Variants in CEP128 observed in about 807,000 individuals in gnomAD.
CEP128 encodes the protein centrosomal protein 128, also known as centrosomal protein 128kDa.
CEP128 carries 132 observed loss-of-function variants against 156.7 expected under a neutral mutation model. The observed-to-expected ratio is 0.84, with a 90% CI of 0.73 to 0.97. The LOEUF is 0.97. CEP128 is among the 50% of genes least tolerant of loss of function. The pLI is 0.00. For synonymous variants in CEP128, 469 were observed against 448.9 expected, an observed-to-expected ratio of 1.04 and a Z score of -0.57; for missense variants, 1,252 against 1,281.9, an observed-to-expected ratio of 0.98 and a Z score of 0.36.
chr14:80,582,828 A>G (rs1370034381), intron 19 of CEP128, among the ~76,000 whole-genome samples: 1 of 152,118 alleles, frequency 6.6e-6, no homozygotes, highest in Non-Finnish European at 1.5e-5. Flanking sequence ...ACTTAGCTCC[A>G]TTACTTCTGG....
At chr14:80,520,818 C>CTTTA (rs566092628) in intron 23 of CEP128, among the ~76,000 whole-genome samples, 3,293 of 151,360 alleles carry the variant, frequency 0.022, 115 homozygotes, top group African/African-American at 0.075. Context: ...CTTAAAGTGA[C>CTTTA]TTTATTTATT....
At chr14:80,895,661 C>T in intron 8 of CEP128, 57 bp downstream of exon 8, 1 of 1,237,660 alleles carries the variant, frequency 8.1e-7, no homozygotes, top group Non-Finnish European at 1.1e-6. Flanking sequence ...TGATTATGAC[C>T]AGCCTACCCA....
chr14:80,946,372 T>C (rs1213446666), upstream of CEP128, among the ~76,000 whole-genome samples: 1 of 141,124 alleles, frequency 7.1e-6, no homozygotes, highest in Non-Finnish European at 1.6e-5. Flanking sequence ...TCATGATGCA[T>C]CATGATGATG....
intron 4 of CEP128, among the ~76,000 whole-genome samples, chr14:80,907,893 A>T (rs572538615): frequency 6.6e-6 from 1 of 152,340 alleles, no homozygotes; most frequent in South Asian, 2.1e-4. Flanking sequence ...GTAACATGAG[A>T]AACAGACTAG....
rs112711923 is a variant in CEP128, at chr14:80,667,633, C to T, written c.2806+75442G>A. Among the ~76,000 whole-genome samples, 333 of 152,108 alleles carry T rather than the reference C, an allele frequency of 2.2e-3. 2 individuals carry two copies. Among genetic ancestry groups the T allele is most frequent in the African/African-American group, 7.6e-3 (316 of 41,496 alleles). ...CAGCACTTTGGGAGGCCAAGGCAGG[C>T]GGATCACGAGGTCAGGAGATCAAGA... On this transcript the variant is annotated intron_variant, in intron 19 of 24. Coordinates refer to ENST00000555265, the MANE Select transcript of CEP128 (RefSeq NM_152446.5).
downstream of CEP128, among the ~76,000 whole-genome samples, chr14:80,485,663 A>T (rs1010317444): frequency 3.3e-5 from 5 of 152,218 alleles, no homozygotes; most frequent in African/African-American, 1.2e-4. Context: ...TTAGCCAATT[A>T]AATAAGATTT....
At chr14:80,739,091 C>T (rs1595320277) in intron 19 of CEP128, among the ~76,000 whole-genome samples, 2 of 152,234 alleles carry the variant, frequency 1.3e-5, no homozygotes. Flanking sequence ...CCAGTGGCTA[C>T]TTCTCATCCC....
intron 19 of CEP128, among the ~76,000 whole-genome samples, chr14:80,702,449 G>T (rs1216750051): frequency 1.3e-5 from 2 of 152,056 alleles, no homozygotes; most frequent in Admixed American, 1.3e-4. Context: ...ACCCTTCCCA[G>T]TTTCCCAGTT....
chr14:80,703,894 A>G (rs1453164964), intron 19 of CEP128, among the ~76,000 whole-genome samples: 1 of 152,054 alleles, frequency 6.6e-6, no homozygotes, highest in Admixed American at 6.6e-5. Context: ...CATCACAAAG[A>G]TCCCTCATCC....
intron 13 of CEP128, among the ~76,000 whole-genome samples, chr14:80,821,057 T>C (rs1885139850): frequency 6.6e-6 from 1 of 152,216 alleles, no homozygotes; most frequent in Non-Finnish European, 1.5e-5. Flanking sequence ...AAGAATGTTT[T>C]CTCAGTGCAT....
At chr14:80,481,674 G>A (rs1176420366) in intron 14 of CEP128, among the ~76,000 whole-genome samples, 1 of 152,218 alleles carries the variant, frequency 6.6e-6, no homozygotes, top group African/African-American at 2.4e-5. Flanking sequence ...CATGAGAGGT[G>A]AATGGCAGGC....
intron 20 of CEP128, among the ~76,000 whole-genome samples, chr14:80,568,982 C>G (rs1362112861): frequency 2.6e-5 from 4 of 152,198 alleles, no homozygotes; most frequent in East Asian, 1.9e-4. Flanking sequence ...GAGCTTCACT[C>G]TGATTTCTCA....
Position 80,499,746 on chromosome 14 carries a change from G to C in CEP128, c.3182-2164C>G, listed in dbSNP as rs144150894. Among the ~76,000 whole-genome samples the C allele has an allele frequency of 1.8e-3, 275 of 152,318 alleles. 1 individual carries two copies. Among genetic ancestry groups the C allele is most frequent in the African/African-American group, 6.4e-3 (268 of 41,562 alleles). ...AAATCTGGTCTGGTCCCAGTCCTGG[G>C]ATGTGATGGCTGTATCCTGGAGTTG... On this transcript the variant is annotated intron_variant, in intron 24 of 24. Coordinates refer to ENST00000555265, the MANE Select transcript of CEP128 (RefSeq NM_152446.5).
At chr14:80,954,646 G>A (rs1042498093) in intron 2 of CEP128, among the ~76,000 whole-genome samples, 1 of 152,146 alleles carries the variant, frequency 6.6e-6, no homozygotes, top group Non-Finnish European at 1.5e-5. Context: ...GAATTATGCA[G>A]TATAGAAGGA....
At chr14:80,498,943 T>C (rs147456717) in intron 24 of CEP128, among the ~76,000 whole-genome samples, 4 of 152,286 alleles carry the variant, frequency 2.6e-5, no homozygotes, top group African/African-American at 9.6e-5. Flanking sequence ...GAGAGTACCT[T>C]GTCAACTTGC....
At chr14:80,892,715 T>C (rs912273245) in intron 8 of CEP128, among the ~76,000 whole-genome samples, 1 of 147,386 alleles carries the variant, frequency 6.8e-6, no homozygotes, top group Admixed American at 6.8e-5. Context: ...AAACAAATAA[T>C]CCAATTTTTT....
rs141936924 is a variant in CEP128, at chr14:80,775,976, G to A, written c.2376+1906C>T. Among the ~76,000 whole-genome samples the A allele has an allele frequency of 3.7e-4, 57 of 152,250 alleles. No homozygotes were observed. In the East Asian group the frequency reaches 0.011, roughly 29 times the overall value. ...AGCCACCTGAATAGCTGGGATTACA[G>A]GTGCTCGCCACCACACCCGGCTAAT... is the stretch of plus-strand genomic sequence containing the variant. On this transcript the variant is annotated intron_variant, in intron 16 of 24. Transcript: ENST00000555265.
chr14:80,590,029 C>G (rs945753970), intron 19 of CEP128, among the ~76,000 whole-genome samples: 13 of 152,054 alleles, frequency 8.5e-5, no homozygotes, highest in African/African-American at 3.1e-4. Context: ...ACTCAGGAAT[C>G]CGCTTCACAT....
intron 21 of CEP128, among the ~76,000 whole-genome samples, chr14:80,542,084 AGTT>A (rs565432731): frequency 8.8e-4 from 134 of 152,332 alleles, no homozygotes; most frequent in African/African-American, 3.2e-3. Flanking sequence ...TGATAACACT[AGTT>A]ATTATTCTCT....
Sources: gnomAD v4.1 joint callset for allele counts (sites outside exome capture counted in the v4.1 genomes callset) on GRCh38, gnomAD v4.1.1 for gene constraint, MANE v1.5 for transcripts, NCBI Gene and HGNC (gene_info 2026-07-23, HGNC 2026-07-21) for gene names.